The following SMIM14 variants were observed in gnomAD, a reference collection of about 807,000 sequenced individuals.
SMIM14 encodes the protein small integral membrane protein 14, also known as chromosome 4 open reading frame 34.
In SMIM14, 5 loss-of-function variants were observed where a neutral mutation model predicts 12.6. The ratio of observed to expected loss-of-function variants is 0.40; its 90% CI spans 0.21 to 0.83. The LOEUF is 0.83. Among genes scored for constraint, SMIM14 ranks in the 40% least tolerant of loss-of-function variants. The pLI, the probability that SMIM14 is intolerant of heterozygous loss-of-function variation, is 0.37. For missense variants in SMIM14, 86 were observed against 119.1 expected, an observed-to-expected ratio of 0.72 and a Z score of 1.29; for synonymous variants, 30 against 40.1, an observed-to-expected ratio of 0.75 and a Z score of 0.95.
intron 1 of SMIM14, among the ~76,000 whole-genome samples, chr4:39,626,639 T>C (rs952639311): frequency 2.6e-5 from 4 of 152,216 alleles, no homozygotes; most frequent in African/African-American, 9.6e-5. Context: ...TAACTGTTAA[T>C]TTAAATTAAA....
chr4:39,630,859 A>C (rs1435870663), intron 1 of SMIM14, among the ~76,000 whole-genome samples: 3 of 150,812 alleles, frequency 2.0e-5, no homozygotes, highest in African/African-American at 7.4e-5. Flanking sequence ...ACAAGAGCAA[A>C]ACCCTGTCAA....
chr4:39,567,155 A>G (rs1249767234), intron 3 of SMIM14, among the ~76,000 whole-genome samples: 1 of 149,922 alleles, frequency 6.7e-6, no homozygotes, highest in Admixed American at 6.6e-5. Flanking sequence ...AAAAAAAAAA[A>G]AAAAAAAAAA....
chr4:39,615,175 T>A (rs1715175392), intron 1 of SMIM14, among the ~76,000 whole-genome samples: 1 of 152,104 alleles, frequency 6.6e-6, no homozygotes, highest in African/African-American at 2.4e-5. Context: ...GCTCAAGTGA[T>A]CCTCCCACCT....
At chr4:39,613,460 T>C (rs1715105512) in intron 1 of SMIM14, among the ~76,000 whole-genome samples, 1 of 152,044 alleles carries the variant, frequency 6.6e-6, no homozygotes, top group Non-Finnish European at 1.5e-5. Flanking sequence ...TCACTGGGGG[T>C]TTTTTTGAAA....
intron 2 of SMIM14, among the ~76,000 whole-genome samples, chr4:39,604,163 T>C (rs1044999832): frequency 1.3e-5 from 2 of 152,158 alleles, no homozygotes; most frequent in African/African-American, 4.8e-5. Context: ...TTATTTGTAT[T>C]GATATAAAGT....
chr4:39,548,779 A>G lies in SMIM14; in HGVS notation c.*3347T>C, dbSNP rs1345155172. 1.3e-5 allele frequency: 2 copies of G among 152,224 alleles called. No homozygotes were observed. Among genetic ancestry groups the G allele is most frequent in the Non-Finnish European group, 1.5e-5 (1 of 68,036 alleles). 9.4% of individuals were successfully genotyped at this position (152,224 alleles called of 1,614,324 possible). On this transcript the variant is annotated 3_prime_UTR_variant, in exon 5 of 5. Transcript: ENST00000295958. ...AAATTTTACAAGAAACCCAAGACTA[A>G]ATACTTCATTAAGAACACTGGTTAC... is the stretch of plus-strand genomic sequence containing the variant.
chr4:39,627,920 A>G (rs913241805), intron 1 of SMIM14, among the ~76,000 whole-genome samples: 12 of 152,240 alleles, frequency 7.9e-5, no homozygotes, highest in African/African-American at 1.9e-4. Context: ...TATCATAACC[A>G]TAAGTTTCAT....
Position 39,548,720 on chromosome 4 carries a change from T to A in SMIM14, c.*3406A>T, listed in dbSNP as rs563820589. On this transcript the variant is annotated 3_prime_UTR_variant, in exon 5 of 5. Coordinates refer to ENST00000295958, the MANE Select transcript of SMIM14 (RefSeq NM_174921.3). ...TAAATTACTAGGTCAACAAGAATATTTCATGTATAGTACACTGTCTAAGGA... is the reference window on the plus strand; with the variant it reads ...TAAATTACTAGGTCAACAAGAATATATCATGTATAGTACACTGTCTAAGGA... The A allele has an allele frequency of 6.6e-6, 1 of 152,348 alleles. No individual in the cohort carries two copies. Among genetic ancestry groups the A allele is most frequent in the East Asian group, 1.9e-4 (1 of 5,192 alleles). The allele number at this position is 152,348 out of a possible 1,614,324, so 9.4% of individuals were successfully genotyped here. A position where few individuals can be genotyped will look rare whatever the true frequency, so the allele number is the denominator to read the frequency against.
intron 2 of SMIM14, among the ~76,000 whole-genome samples, chr4:39,573,069 G>A (rs751069896): frequency 4.9e-4 from 74 of 151,004 alleles, no homozygotes; most frequent in Non-Finnish European, 6.0e-4. Flanking sequence ...GACAAACCAT[G>A]TTTTGGTTTT....
chr4:39,623,412 T>C (rs1429054415), intron 1 of SMIM14, among the ~76,000 whole-genome samples: 1 of 152,218 alleles, frequency 6.6e-6, no homozygotes, highest in East Asian at 1.9e-4. Flanking sequence ...ACAGAGCTCT[T>C]CCTGAGAAGG....
chr4:39,567,120 A>G lies in SMIM14; in HGVS notation c.124+5295T>C, dbSNP rs537205201. Among the ~76,000 whole-genome samples the G allele has an allele frequency of 7.0e-5, 10 of 141,980 alleles. No individual in the cohort carries two copies. In the South Asian group the frequency reaches 1.2e-3, roughly 18 times the overall value. 93.1% of individuals were successfully genotyped at this position (141,980 alleles called of 152,430 possible). On this transcript the variant is annotated intron_variant, in intron 3 of 4. Coordinates refer to ENST00000295958, the MANE Select transcript of SMIM14 (RefSeq NM_174921.3). Reference sequence around the variant, plus strand: ...CATTGCACTCCAGCCTGGGCGACAGAGCAAAACTCCATCTCAAAAAAAGAA... The same window carrying G: ...CATTGCACTCCAGCCTGGGCGACAGGGCAAAACTCCATCTCAAAAAAAGAA...
At position 39,574,749 on chromosome 4, in the gene SMIM14, A is replaced by AGTTCC. The variant is rs1350162134; in HGVS notation, c.76-2287_76-2286insGGAAC. Reference sequence around the variant, plus strand: ...TGCCATACAAATTATGACTTCAACTAAACAACTATTGGAATTAACAACTAA... The same window carrying AGTTCC: ...TGCCATACAAATTATGACTTCAACTAGTTCCAACAACTATTGGAATTAACAACTAA... On this transcript the variant is annotated intron_variant, in intron 2 of 4. Transcript: ENST00000295958. Among the ~76,000 whole-genome samples, 32 of 152,306 alleles carry AGTTCC rather than the reference A, an allele frequency of 2.1e-4. No individual in the cohort carries two copies. The East Asian group carries it at 6.2e-3, about 29-fold the overall frequency.
At chr4:39,590,651 AG>A (rs1714023806) in intron 2 of SMIM14, among the ~76,000 whole-genome samples, 1 of 148,906 alleles carries the variant, frequency 6.7e-6, no homozygotes, top group African/African-American at 2.5e-5. Flanking sequence ...AAAATACAAA[AG>A]TTAGCCGGGC....
At chr4:39,633,189 G>T (rs1459574911) in intron 1 of SMIM14, among the ~76,000 whole-genome samples, 1 of 151,886 alleles carries the variant, frequency 6.6e-6, no homozygotes, top group Non-Finnish European at 1.5e-5. Context: ...AGCTACTCAG[G>T]AGGCTGAGGC....
intron 3 of SMIM14, among the ~76,000 whole-genome samples, chr4:39,561,756 C>T (rs4371623): frequency 0.13 from 19,233 of 151,826 alleles, 2,820 homozygotes; most frequent in African/African-American, 0.36. Flanking sequence ...CCATCTCTAC[C>T]AAAGCCCATC....
At chr4:39,602,404 G>A (rs1412802236) in intron 2 of SMIM14, among the ~76,000 whole-genome samples, 4 of 152,142 alleles carry the variant, frequency 2.6e-5, no homozygotes, top group African/African-American at 9.7e-5. Context: ...AGACCAGCCT[G>A]GCCAACATGG....
intron 4 of SMIM14, among the ~76,000 whole-genome samples, chr4:39,556,108 A>G (rs963077989): frequency 2.0e-5 from 3 of 151,524 alleles, no homozygotes; most frequent in Non-Finnish European, 2.9e-5. Context: ...GGCTTCAGTG[A>G]GCTAAGATCG....
chr4:39,617,940 A>C (rs561024108), intron 1 of SMIM14, among the ~76,000 whole-genome samples: 1 of 152,238 alleles, frequency 6.6e-6, no homozygotes, highest in Non-Finnish European at 1.5e-5. Context: ...GACAATGCCT[A>C]AACTAGTTTT....
chr4:39,633,153 G>A (rs1715973551), intron 1 of SMIM14, among the ~76,000 whole-genome samples: 1 of 151,824 alleles, frequency 6.6e-6, no homozygotes. Flanking sequence ...AATTAGCTGG[G>A]CATGGTGGCG....
Sources: allele counts gnomAD v4.1 joint callset (sites outside exome capture counted in the v4.1 genomes callset), GRCh38; gene constraint gnomAD v4.1.1; transcripts MANE v1.5; gene names NCBI Gene and HGNC (gene_info 2026-07-23, HGNC 2026-07-21).